The following PPARG variants were observed in gnomAD, a reference collection of about 807,000 sequenced individuals.
The protein encoded by PPARG is peroxisome proliferator-activated receptor gamma.
PPARG carries 17 observed loss-of-function variants against 39.2 expected under a neutral mutation model. That is an observed-to-expected ratio of 0.43 (90% confidence interval 0.30 to 0.65). The LOEUF (loss-of-function observed/expected upper bound fraction) is 0.65. Ranked by LOEUF, PPARG falls within the 30% of genes least tolerant of loss-of-function variation. The pLI, the probability that PPARG is intolerant of heterozygous loss-of-function variation, is 0.13. For synonymous variants in PPARG, 223 were observed against 215.7 expected, an observed-to-expected ratio of 1.03 and a Z score of -0.30; for missense variants, 406 against 585.9, an observed-to-expected ratio of 0.69 and a Z score of 3.17.
At chr3:12,292,913 G>A (rs1208053570) in intron 1 of PPARG, among the ~76,000 whole-genome samples, 1 of 152,192 alleles carries the variant, frequency 6.6e-6, no homozygotes, top group Non-Finnish European at 1.5e-5. Flanking sequence ...GCAGTGTGGA[G>A]CTATAAAGCC....
Position 12,406,026 on chromosome 3 carries a change from C to G in PPARG, c.674C>G (p.Pro225Arg). The G allele has an allele frequency of 6.2e-7, 1 of 1,614,154 alleles. No individual in the cohort carries two copies. Among genetic ancestry groups the G allele is most frequent in the East Asian group, 2.2e-5 (1 of 44,858 alleles). Residue 225 changes from proline (P) to arginine (R), a missense_variant, in exon 6 of 8, where the codon CCG becomes CGG. Transcript: ENST00000651735. ...TATGACTCATACATAAAGTCCTTCC[C>G]GCTGACCAAAGCAAAGGCGAGGGCG... ...HLYDSYIKSF[P>R]LTKAKARAIL...
intron 2 of PPARG, among the ~76,000 whole-genome samples, chr3:12,355,083 T>C (rs1182221062): frequency 6.6e-6 from 1 of 152,216 alleles, no homozygotes; most frequent in Non-Finnish European, 1.5e-5. Context: ...GATTATAATG[T>C]TTTTCGTACA....
At chr3:12,348,380 T>C (rs1181211882) in intron 2 of PPARG, among the ~76,000 whole-genome samples, 3 of 152,238 alleles carry the variant, frequency 2.0e-5, no homozygotes, top group African/African-American at 4.8e-5. Context: ...ATTCAGATTC[T>C]TGTAGCCAAA....
chr3:12,408,291 G>A (rs551577727), intron 6 of PPARG, among the ~76,000 whole-genome samples: 20 of 152,292 alleles, frequency 1.3e-4, no homozygotes, highest in Admixed American at 4.6e-4. Context: ...TTTTTGTGCT[G>A]TTCTGTTCTT....
intron 6 of PPARG, among the ~76,000 whole-genome samples, chr3:12,407,635 T>C (rs1559528784): frequency 1.3e-5 from 2 of 152,242 alleles, no homozygotes; most frequent in Non-Finnish European, 2.9e-5. Context: ...ATGCAATGAC[T>C]TGATAGATAT....
chr3:12,397,121 T>A (rs1437587826), intron 5 of PPARG, among the ~76,000 whole-genome samples: 1 of 151,986 alleles, frequency 6.6e-6, no homozygotes, highest in Non-Finnish European at 1.5e-5. Context: ...TATTGAAATC[T>A]TAGCTTTGCT....
intron 4 of PPARG, 140 bp downstream of exon 4, chr3:12,381,631 G>T: frequency 1.2e-6 from 1 of 843,942 alleles, no homozygotes; most frequent in Non-Finnish European, 1.9e-6. Context: ...AGACCAGAGT[G>T]CAGTGGTGCT....
chr3:12,351,749 G>A, intron 2 of PPARG: 2 of 1,166,352 alleles, frequency 1.7e-6, no homozygotes, highest in Non-Finnish European at 2.6e-6. Flanking sequence ...CTTGTAGTTT[G>A]TCTTCCAGGT....
chr3:12,385,745 A>G (rs2049847180), intron 4 of PPARG, among the ~76,000 whole-genome samples: 1 of 152,150 alleles, frequency 6.6e-6, no homozygotes, highest in Admixed American at 6.6e-5. Context: ...TACTTCAGAA[A>G]GAGTTTTAAT....
intron 2 of PPARG, among the ~76,000 whole-genome samples, chr3:12,342,921 T>A (rs2048225570): frequency 6.6e-6 from 1 of 152,192 alleles, no homozygotes. Flanking sequence ...GAAAACACTC[T>A]AGTATCTTTA....
intron 1 of PPARG, among the ~76,000 whole-genome samples, chr3:12,298,298 C>CAAAAAAAAA (rs58459399): frequency 4.8e-4 from 20 of 41,356 alleles, no homozygotes; most frequent in African/African-American, 2.2e-3. Context: ...GACTCTGTCT[C>CAAAAAAAAA]AAAAAAAAAA....
At chr3:12,323,939 C>G (rs1244872359) in intron 2 of PPARG, among the ~76,000 whole-genome samples, 2 of 152,092 alleles carry the variant, frequency 1.3e-5, no homozygotes, top group African/African-American at 4.8e-5. Flanking sequence ...TCTGAGGCAG[C>G]TGAGTCAAGT....
At chr3:12,423,338 A>ACACT (rs1166293293) in intron 7 of PPARG, among the ~76,000 whole-genome samples, 1 of 152,222 alleles carries the variant, frequency 6.6e-6, no homozygotes, top group African/African-American at 2.4e-5. Flanking sequence ...TCACGGCAGA[A>ACACT]CACTCATTCC....
intron 2 of PPARG, among the ~76,000 whole-genome samples, chr3:12,338,412 ATCTC>A (rs200099074): frequency 2.0e-5 from 3 of 152,110 alleles, no homozygotes; most frequent in Non-Finnish European, 4.4e-5. Context: ...CTATATAGAT[ATCTC>A]TCTCTTAAAA....
intron 5 of PPARG, among the ~76,000 whole-genome samples, chr3:12,401,459 C>T (rs1382832694): frequency 1.3e-5 from 2 of 152,138 alleles, no homozygotes; most frequent in Non-Finnish European, 2.9e-5. Flanking sequence ...TTAAGCATTG[C>T]CATGCACCTA....
At chr3:12,365,592 A>G (rs139821601) in intron 2 of PPARG, among the ~76,000 whole-genome samples, 1 of 151,748 alleles carries the variant, frequency 6.6e-6, no homozygotes, top group Non-Finnish European at 1.5e-5. Context: ...TATTATTATT[A>G]TTGTTATTAT....
chr3:12,370,628 T>C (rs963860458), intron 2 of PPARG, among the ~76,000 whole-genome samples: 8 of 152,230 alleles, frequency 5.3e-5, no homozygotes, highest in Admixed American at 3.3e-4. Flanking sequence ...TCCTCAAATA[T>C]TGCACACTGT....
chr3:12,431,857 C>T (rs2051672331), intron 7 of PPARG, among the ~76,000 whole-genome samples: 2 of 152,002 alleles, frequency 1.3e-5, no homozygotes, highest in Non-Finnish European at 2.9e-5. Context: ...GGAGGATCAC[C>T]TGAACCCAGG....
chr3:12,338,752 T>C (rs540473143), intron 2 of PPARG, among the ~76,000 whole-genome samples: 1 of 152,352 alleles, frequency 6.6e-6, no homozygotes, highest in Non-Finnish European at 1.5e-5. Flanking sequence ...ACAGTATTAC[T>C]GGATCTAGTT....
Sources: allele counts gnomAD v4.1 joint callset (sites outside exome capture counted in the v4.1 genomes callset), GRCh38; gene constraint gnomAD v4.1.1; transcripts MANE v1.5; gene names NCBI Gene and HGNC (gene_info 2026-07-23, HGNC 2026-07-21).